The following MAP4 variants were observed in gnomAD, a reference collection of about 807,000 sequenced individuals.
The protein encoded by MAP4 is microtubule associated protein 4, also known as microtubule-associated protein 4.
A neutral mutation model predicts 170.2 loss-of-function variants in MAP4; 76 were observed. That is an observed-to-expected ratio of 0.45 (90% confidence interval 0.37 to 0.54). MAP4 has a LOEUF of 0.54. Ranked by LOEUF, MAP4 falls within the 20% of genes least tolerant of loss-of-function variation. The pLI, the probability that MAP4 is intolerant of heterozygous loss-of-function variation, is 0.00. For missense variants in MAP4, 2,506 were observed against 2,748.0 expected, an observed-to-expected ratio of 0.91 and a Z score of 1.97; for synonymous variants, 909 against 994.5, an observed-to-expected ratio of 0.91 and a Z score of 1.62.
At chr3:47,888,749 C>A (rs2098089751) in intron 10 of MAP4, among the ~76,000 whole-genome samples, 1 of 152,196 alleles carries the variant, frequency 6.6e-6, no homozygotes, top group African/African-American at 2.4e-5. Flanking sequence ...GATTGGATTC[C>A]AAACAACTTT....
chr3:47,933,408 T>G (rs2100050969), intron 3 of MAP4, among the ~76,000 whole-genome samples: 1 of 152,154 alleles, frequency 6.6e-6, no homozygotes, highest in Non-Finnish European at 1.5e-5. Flanking sequence ...GGTAAATTTT[T>G]GGGTATGTAA....
chr3:47,948,953 G>T (rs1331097282), intron 3 of MAP4, among the ~76,000 whole-genome samples: 1 of 152,106 alleles, frequency 6.6e-6, no homozygotes, highest in African/African-American at 2.4e-5. Context: ...CAAATAAGGT[G>T]TCCTTTAACT....
intron 1 of MAP4, among the ~76,000 whole-genome samples, chr3:48,027,738 T>A (rs2100113861): frequency 6.6e-6 from 1 of 151,894 alleles, no homozygotes; most frequent in South Asian, 2.1e-4. Flanking sequence ...CTCAGGAGAC[T>A]AAAATGGGAG....
In MAP4 at chr3:47,877,533, G is replaced by A; in HGVS notation, c.5435-10C>T. The A allele has an allele frequency of 6.3e-7, 1 of 1,581,074 alleles. No individual in the cohort carries two copies. Among genetic ancestry groups the A allele is most frequent in the South Asian group, 1.1e-5 (1 of 89,730 alleles). On this transcript the variant is annotated splice_polypyrimidine_tract_variant and intron_variant, in intron 10 of 20. Transcript: ENST00000683076. ...TCTGGCCTGGCTATTCCTAAGGGGA[G>A]AGGGTGAGTGGGAATTATGCTAAGC... is the stretch of plus-strand genomic sequence containing the variant.
chr3:47,981,242 A>T (rs1197183969), intron 2 of MAP4, among the ~76,000 whole-genome samples: 1 of 152,164 alleles, frequency 6.6e-6, no homozygotes, highest in Non-Finnish European at 1.5e-5. Flanking sequence ...CAGGAAGATA[A>T]CAGGTATCTA....
intron 1 of MAP4, among the ~76,000 whole-genome samples, chr3:48,084,297 C>T (rs531069009): frequency 6.7e-6 from 1 of 149,446 alleles, no homozygotes; most frequent in African/African-American, 2.5e-5. Flanking sequence ...ACTGGGGAGG[C>T]TGAGGCAGGA....
intron 3 of MAP4, among the ~76,000 whole-genome samples, chr3:47,959,194 G>A (rs1188739710): frequency 6.6e-6 from 1 of 152,156 alleles, no homozygotes; most frequent in Non-Finnish European, 1.5e-5. Context: ...GGCCGGGTGT[G>A]GTAACTCACA....
At chr3:48,042,884 C>T (rs2100122386) in intron 1 of MAP4, among the ~76,000 whole-genome samples, 1 of 152,104 alleles carries the variant, frequency 6.6e-6, no homozygotes, top group African/African-American at 2.4e-5. Flanking sequence ...CACAAAAGAC[C>T]ACCTACTATA....
At chr3:47,977,993 A>T (rs1455433273) in intron 2 of MAP4, 60 bp from the exon 3 acceptor site, 4 of 1,064,070 alleles carry the variant, frequency 3.8e-6, no homozygotes, top group East Asian at 2.4e-5. Flanking sequence ...AACAGATCCA[A>T]CCACTGTCTT....
intron 3 of MAP4, among the ~76,000 whole-genome samples, chr3:47,951,800 C>G (rs2154105316): frequency 6.6e-6 from 1 of 152,048 alleles, no homozygotes; most frequent in East Asian, 2.0e-4. Context: ...AGCGTCTCTG[C>G]CTGGCCGCCC....
chr3:48,025,715 G>A (rs1037103246), intron 1 of MAP4, among the ~76,000 whole-genome samples: 10 of 151,590 alleles, frequency 6.6e-5, no homozygotes, highest in East Asian at 5.9e-4. Context: ...CCTGGCCGAC[G>A]TGGTAAAAAC....
In MAP4 at chr3:47,915,965, A is replaced by G. The variant is rs1444217199; in HGVS notation, c.1862T>C (p.Phe621Ser). Residue 621 changes from phenylalanine (F) to serine (S), a missense_variant, in exon 7 of 21, where the codon TTC becomes TCC. Coordinates refer to ENST00000683076, the MANE Select transcript of MAP4 (RefSeq NM_001385682.1). ...QDVGQSAAPTFMISPETVTGT... is the reference protein window; with the variant it reads ...QDVGQSAAPTSMISPETVTGT... Reference sequence around the variant, plus strand: ...CAAGCACGTACCTGGTGAAATCATGAAAGTAGGTGCAGCTGACTGCCCCAC... The same window carrying G: ...CAAGCACGTACCTGGTGAAATCATGGAAGTAGGTGCAGCTGACTGCCCCAC... 3 of 1,611,608 alleles carry G rather than the reference A, an allele frequency of 1.9e-6. No individual in the cohort carries two copies. The highest frequency in any genetic ancestry group is 2.5e-6 in the Non-Finnish European group (3 of 1,178,732).
At position 47,911,958 on chromosome 3, in the gene MAP4, T is replaced by C; in HGVS notation, c.2463A>G (p.Thr821=). The C allele has an allele frequency of 6.5e-7, 1 of 1,536,164 alleles. No individual in the cohort carries two copies. Among genetic ancestry groups the C allele is most frequent in the Non-Finnish European group, 8.7e-7 (1 of 1,146,922 alleles). ...VLPSQPTTMG[T]EYGLVSGENL... ...TTTCTCCAGATACAAGTCCATATTC[T>C]GTACCCATAGTGGTAGGCTGGCTGG... The change falls in exon 9 of 21, where the codon ACA becomes ACG. Residue 821 remains threonine (T), a synonymous_variant. Coordinates refer to ENST00000683076, the MANE Select transcript of MAP4 (RefSeq NM_001385682.1). This position sits in a 1 kb window ranked among gnomAD's most constrained non-coding sequence, Gnocchi z 4.0.
chr3:47,918,939 T>C, intron 5 of MAP4, 98 bp from the exon 6 acceptor site: 1 of 1,093,138 alleles, frequency 9.1e-7, no homozygotes, highest in South Asian at 1.5e-5. Context: ...TTTGTTTGTT[T>C]TTTTTTTGAG....
chr3:48,045,206 C>T (rs925551095), intron 1 of MAP4, among the ~76,000 whole-genome samples: 7 of 142,608 alleles, frequency 4.9e-5, no homozygotes, highest in Admixed American at 1.5e-4. Context: ...TGCAGTGAGC[C>T]GAGATCGCAC....
At chr3:48,017,472 TTTTTC>T (rs1331560568), upstream of MAP4, among the ~76,000 whole-genome samples, 1 of 143,832 alleles carries the variant, frequency 7.0e-6, no homozygotes, top group Non-Finnish European at 1.5e-5. Flanking sequence ...CCTAGATGTC[TTTTTC>T]TTTTTTCTTT....
chr3:48,002,534 C>G (rs2100099762), intron 1 of MAP4, among the ~76,000 whole-genome samples: 2 of 152,206 alleles, frequency 1.3e-5, no homozygotes, highest in East Asian at 3.9e-4. Context: ...CACCACTGTA[C>G]TCCAGCCTGG....
In MAP4 at chr3:48,004,928, T is replaced by A. The variant is rs184087832; in HGVS notation, c.-19-6049A>T. Reference sequence around the variant, plus strand: ...AGAGTCATGGCCTCCTCTCAGGCAGTTGCCAGGCAAGATAATGTTGATTCT... The same window carrying A: ...AGAGTCATGGCCTCCTCTCAGGCAGATGCCAGGCAAGATAATGTTGATTCT... On this transcript the variant is annotated intron_variant, in intron 1 of 20. Transcript: ENST00000683076. Among the ~76,000 whole-genome samples, 22 of 152,132 alleles carry A rather than the reference T, an allele frequency of 1.4e-4. No homozygotes were observed. In the South Asian group the frequency reaches 1.5e-3, roughly 10 times the overall value.
chr3:48,041,408 G>A (rs955966025), intron 1 of MAP4, among the ~76,000 whole-genome samples: 10 of 151,694 alleles, frequency 6.6e-5, no homozygotes, highest in Admixed American at 1.3e-4. Flanking sequence ...CACCGTGCCC[G>A]GCTGAAGTGA....
Sources: allele counts gnomAD v4.1 joint callset (sites outside exome capture counted in the v4.1 genomes callset), GRCh38; gene constraint gnomAD v4.1.1; non-coding constraint Gnocchi (gnomAD v3.1); transcripts MANE v1.5; gene names NCBI Gene and HGNC (gene_info 2026-07-23, HGNC 2026-07-21).